The following PAK2 variants were observed in gnomAD, a reference collection of about 807,000 sequenced individuals.
PAK2 encodes serine/threonine-protein kinase PAK 2.
PAK2 carries 21 observed loss-of-function variants against 65.9 expected under a neutral mutation model. That is an observed-to-expected ratio of 0.32 (90% CI 0.23 to 0.46). The LOEUF is 0.46. Ranked by LOEUF, PAK2 falls within the 20% of genes least tolerant of loss-of-function variation. The pLI, the probability that PAK2 is intolerant of heterozygous loss-of-function variation, is 1.00. For missense variants in PAK2, 324 were observed against 642.6 expected, an observed-to-expected ratio of 0.50 and a Z score of 5.36; for synonymous variants, 204 against 219.7, an observed-to-expected ratio of 0.93 and a Z score of 0.63.
intron 10 of PAK2, among the ~76,000 whole-genome samples, chr3:196,813,399 A>G (rs1715888963): frequency 6.6e-6 from 1 of 150,434 alleles, no homozygotes; most frequent in African/African-American, 2.4e-5. Flanking sequence ...TGGAGGTTGC[A>G]GTGAGCCGAG....
chr3:196,748,626 T>G lies in PAK2; in HGVS notation c.-22+8469T>G, dbSNP rs577908906. On this transcript the variant is annotated intron_variant, in intron 1 of 14. Transcript: ENST00000327134. ...CTTCTTTCACTTAGCAGTATGCATC[T>G]GAGGTTCTTCCGTGTCTTTTCATGG... 8.5e-5 allele frequency among the ~76,000 whole-genome samples: 13 copies of G among 152,334 alleles called. 2 individuals are homozygous for G. The highest frequency in any genetic ancestry group is 2.9e-4 in the African/African-American group (12 of 41,572).
rs1712054177 is a variant in PAK2, at chr3:196,830,834, A to T, written c.*2429A>T. 6.6e-6 allele frequency: 1 copy of T among 152,232 alleles called. No homozygotes were observed. The highest frequency in any genetic ancestry group is 2.1e-4 in the South Asian group (1 of 4,836). The allele number at this position is 152,232 out of a possible 1,614,324, so 9.4% of individuals were successfully genotyped here. ...CAGAATTGTGATTTATTAATTTTAA[A>T]ACATTCAGAACTTGTTGAAAGAAAA... is the stretch of plus-strand genomic sequence containing the variant. On this transcript the variant is annotated 3_prime_UTR_variant, in exon 15 of 15. Coordinates refer to ENST00000327134, the MANE Select transcript of PAK2 (RefSeq NM_002577.4).
intron 13 of PAK2, among the ~76,000 whole-genome samples, chr3:196,823,999 G>A (rs574980592): frequency 1.1e-4 from 17 of 151,994 alleles, no homozygotes; most frequent in Non-Finnish European, 2.2e-4. Context: ...AAGTGAAGGG[G>A]GACGTGTTCA....
At chr3:196,750,627 CT>C (rs1164814865) in intron 1 of PAK2, among the ~76,000 whole-genome samples, 1 of 150,590 alleles carries the variant, frequency 6.6e-6, no homozygotes, top group African/African-American at 2.4e-5. Flanking sequence ...ATTATCTTTC[CT>C]TGCTGTTTTT....
Position 196,812,743 on chromosome 3 carries a change from C to G in PAK2, c.827C>G (p.Ala276Gly). Residue 276 changes from alanine (A) to glycine (G), a missense_variant, in exon 10 of 15, where the codon GCT (alanine) becomes GGT (glycine). By Grantham distance (60) the Ala-to-Gly change is moderately conservative. Around this residue, in one of 5 missense-constraint regions of PAK2, gnomAD observed 183 missense variants for 246.2 expected, o/e 0.74. Coordinates refer to ENST00000327134, the MANE Select transcript of PAK2 (RefSeq NM_002577.4). ...TCAATCCTGTTTTCATTATAGGTTG[C>G]TATCAAACAAATTAATTTACAGAAA... ...ATDVALGQEVAIKQINLQKQP... is the reference protein window; with the variant it reads ...ATDVALGQEVGIKQINLQKQP... The G allele has an allele frequency of 7.3e-7, 1 of 1,361,910 alleles. No individual in the cohort carries two copies. The highest frequency in any genetic ancestry group is 1.0e-6 in the Non-Finnish European group (1 of 955,470). 84.4% of individuals were successfully genotyped at this position (1,361,910 alleles called of 1,614,324 possible).
intron 2 of PAK2, among the ~76,000 whole-genome samples, chr3:196,785,441 C>T (rs1009183580): frequency 2.0e-5 from 3 of 152,114 alleles, no homozygotes; most frequent in African/African-American, 7.2e-5. Context: ...TGTACATTCT[C>T]ACCCACAGAA....
chr3:196,808,683 C>T (rs1715671617), intron 7 of PAK2, among the ~76,000 whole-genome samples: 1 of 151,232 alleles, frequency 6.6e-6, no homozygotes, highest in Admixed American at 6.6e-5. Flanking sequence ...GCCAATGTGG[C>T]AAAACCCCAT....
chr3:196,779,043 G>T (rs1714625971), intron 1 of PAK2, among the ~76,000 whole-genome samples: 2 of 152,262 alleles, frequency 1.3e-5, no homozygotes, highest in Non-Finnish European at 2.9e-5. Context: ...TTTTTCCCTT[G>T]CCATACACTG....
intron 11 of PAK2, 34 bp from the exon 12 acceptor site, chr3:196,818,023 C>G: frequency 1.1e-6 from 1 of 874,966 alleles, no homozygotes; most frequent in Non-Finnish European, 1.9e-6. Flanking sequence ...TTTTCAGGGA[C>G]TATTTCATTA....
rs1365766757 is a variant in PAK2 at position 196,831,868 on chromosome 3, A to G, written c.*3463A>G. 6.6e-6 allele frequency: 1 copy of G among 152,224 alleles called. No individual in the cohort carries two copies. Among genetic ancestry groups the G allele is most frequent in the Non-Finnish European group, 1.5e-5 (1 of 68,030 alleles). 9.4% of individuals were successfully genotyped at this position (152,224 alleles called of 1,614,324 possible). On this transcript the variant is annotated 3_prime_UTR_variant, in exon 15 of 15. Transcript: ENST00000327134. ...GATTAATACTCATTTGGGGTTTTTT[A>G]TAGTGGAACTTCATAGTAATACAAA...
intron 3 of PAK2, 104 bp downstream of exon 3, chr3:196,802,131 G>A (rs539525669): frequency 2.5e-5 from 18 of 719,852 alleles, no homozygotes; most frequent in Middle Eastern, 2.6e-4. Flanking sequence ...AGGTGCGGTG[G>A]CACACGCCTG....
At chr3:196,795,350 T>C (rs1232922734) in intron 2 of PAK2, among the ~76,000 whole-genome samples, 1 of 151,608 alleles carries the variant, frequency 6.6e-6, no homozygotes. Flanking sequence ...GCACCTGTAC[T>C]CCCAGGACTT....
intron 7 of PAK2, among the ~76,000 whole-genome samples, chr3:196,809,259 C>A (rs1715694465): frequency 6.7e-6 from 1 of 149,246 alleles, no homozygotes; most frequent in Admixed American, 6.8e-5. Context: ...AAAAAATAAA[C>A]AAATGTTTAT....
intron 1 of PAK2, among the ~76,000 whole-genome samples, chr3:196,768,530 C>T (rs1472231009): frequency 2.0e-5 from 3 of 151,234 alleles, no homozygotes; most frequent in Non-Finnish European, 4.4e-5. Flanking sequence ...TTATTTGAAA[C>T]AAGGTCTCAC....
Position 196,806,595 on chromosome 3 carries a change from C to T in PAK2, c.485C>T (p.Thr162Ile), listed in dbSNP as rs1224392378. The part of the protein sequence containing the change: ...SGTPALNAKG[T>I]EAPAVVTEEE... ...TCAATGCAGCTGAATGCCAAGGGAACAGAAGCACCCGCAGTAGTGACAGAG... is the reference window on the plus strand; with the variant it reads ...TCAATGCAGCTGAATGCCAAGGGAATAGAAGCACCCGCAGTAGTGACAGAG... The change falls in exon 6 of 15, where the codon ACA becomes ATA. Residue 162 changes from threonine (T) to isoleucine (I), a missense_variant. By Grantham distance (89) the Thr-to-Ile change is moderately conservative. Coordinates refer to ENST00000327134, the MANE Select transcript of PAK2 (RefSeq NM_002577.4). The T allele has an allele frequency of 6.2e-7, 1 of 1,610,952 alleles. No individual in the cohort carries two copies. The highest frequency in any genetic ancestry group is 8.5e-7 in the Non-Finnish European group (1 of 1,177,192).
At chr3:196,776,723 C>T (rs80018016) in intron 1 of PAK2, among the ~76,000 whole-genome samples, 15,160 of 152,186 alleles carry the variant, frequency 0.1, 1,232 homozygotes, top group East Asian at 0.44. Flanking sequence ...TTTCCAAAAA[C>T]CAATTCATGA....
At chr3:196,766,931 C>CGTGTGTGTGTGTGTGT (rs60929724) in intron 1 of PAK2, among the ~76,000 whole-genome samples, 46 of 134,406 alleles carry the variant, frequency 3.4e-4, no homozygotes, top group African/African-American at 1.1e-3. Flanking sequence ...AAGTACACCC[C>CGTGTGTGTGTGTGTGT]GTGTGTGTGT....
chr3:196,826,196 G>A (rs1473902082), intron 13 of PAK2, among the ~76,000 whole-genome samples: 2 of 151,006 alleles, frequency 1.3e-5, no homozygotes, highest in African/African-American at 2.4e-5. Context: ...TTTTGGGACG[G>A]AGTCTCGCTC....
chr3:196,816,947 ATCT>A (rs749159952), intron 11 of PAK2, among the ~76,000 whole-genome samples: 1 of 152,110 alleles, frequency 6.6e-6, no homozygotes, highest in African/African-American at 2.4e-5. Flanking sequence ...ACTGAAGAAC[ATCT>A]TCTTTCTGAT....
Sources: allele counts gnomAD v4.1 joint callset (sites outside exome capture counted in the v4.1 genomes callset), GRCh38; gene constraint gnomAD v4.1.1; regional missense constraint gnomAD v4.1.1; transcripts MANE v1.5; gene names NCBI Gene and HGNC (gene_info 2026-07-23, HGNC 2026-07-21).